ODAPH: variants seen among roughly 807,000 people sequenced by gnomAD.
ODAPH encodes odontogenesis associated phosphoprotein.
A neutral mutation model predicts 2.8 loss-of-function variants in ODAPH; 2 were observed. That is an observed-to-expected ratio of 0.72 (90% CI 0.30 to 2.28). The LOEUF (loss-of-function observed/expected upper bound fraction) is 2.28. ODAPH is among the 30% of genes most tolerant of loss of function. The probability of loss-of-function intolerance (pLI) is 0.13; values close to 1 mark genes in which losing one functional copy is unlikely to be tolerated. For missense variants in ODAPH, 159 were observed against 163.3 expected (o/e 0.97, Z 0.14); for synonymous variants, 75 against 60.3 (o/e 1.24, Z -1.13).
intron 1 of ODAPH, among the ~76,000 whole-genome samples, chr4:75,557,351 C>T (rs552088197): frequency 6.6e-6 from 1 of 151,996 alleles, no homozygotes; most frequent in Admixed American, 6.6e-5. Context: ...TTAAAAACAC[C>T]CACTGAGGCT....
At position 75,564,401 on chromosome 4, in the gene ODAPH, A is replaced by G; in HGVS notation, c.355A>G (p.Arg119Gly). The G allele has an allele frequency of 6.2e-7, 1 of 1,614,194 alleles. No homozygotes were observed. The change falls in exon 2 of 2, where the codon AGA becomes GGA. Residue 119 changes from arginine (R) to glycine (G), a missense_variant. By Grantham distance (125) the Arg-to-Gly change is moderately radical (BLOSUM62 -2). Coordinates refer to ENST00000311623, the MANE Select transcript of ODAPH (RefSeq NM_178497.5). ...CCTTACTTATAGGTATTTCCCCAGA[A>G]GAAGACTCCAGAGAGGAAGCTCATC... Reference protein sequence around the residue: ...RYLTYRYFPRRRLQRGSSSEE... With the variant: ...RYLTYRYFPRGRLQRGSSSEE...
intron 1 of ODAPH, among the ~76,000 whole-genome samples, chr4:75,559,896 C>T (rs947320971): frequency 6.6e-6 from 1 of 152,186 alleles, no homozygotes; most frequent in Admixed American, 6.5e-5. Context: ...AATAATCACA[C>T]AGCTGATGAG....
At chr4:75,557,331 T>G (rs189807312) in intron 1 of ODAPH, among the ~76,000 whole-genome samples, 10 of 152,268 alleles carry the variant, frequency 6.6e-5, no homozygotes, top group Admixed American at 3.3e-4. Context: ...AGATTTATTT[T>G]ATTCACATCT....
chr4:75,556,208 A>G (rs1727333230), intron 1 of ODAPH, 59 bp downstream of exon 1: 1 of 1,482,280 alleles, frequency 6.7e-7, no homozygotes, highest in Admixed American at 1.7e-5. Context: ...GTAGGAAAAG[A>G]CAAAACTGGC....
At chr4:75,558,888 G>T (rs889744317) in intron 1 of ODAPH, among the ~76,000 whole-genome samples, 3 of 152,216 alleles carry the variant, frequency 2.0e-5, no homozygotes, top group African/African-American at 4.8e-5. Flanking sequence ...TAGAGACGAG[G>T]TTTCACCATG....
rs1189634930 is a variant in ODAPH, at chr4:75,564,404, A to G, written c.358A>G (p.Arg120Gly). The G allele has an allele frequency of 6.2e-7, 1 of 1,614,100 alleles. No individual in the cohort carries two copies. Among genetic ancestry groups the G allele is most frequent in the African/African-American group, 1.3e-5 (1 of 74,952 alleles). Residue 120 changes from arginine to glycine, a missense_variant, in exon 2 of 2, where the codon AGA (arginine) becomes GGA (glycine). Coordinates refer to ENST00000311623, the MANE Select transcript of ODAPH (RefSeq NM_178497.5). ...TACTTATAGGTATTTCCCCAGAAGA[A>G]GACTCCAGAGAGGAAGCTCATCTGA... ...YLTYRYFPRR[R>G]LQRGSSSEES is the part of the protein sequence containing the mutation.
chr4:75,563,800 A>C (rs771933572), intron 1 of ODAPH, among the ~76,000 whole-genome samples: 13 of 152,078 alleles, frequency 8.5e-5, no homozygotes, highest in Non-Finnish European at 1.8e-4. Flanking sequence ...CAGTTTCTTC[A>C]TGCATTCTTC....
In ODAPH at chr4:75,562,339, C is replaced by CTT. The variant is rs10672492; in HGVS notation, c.68-1759_68-1758dup. 3.4e-3 allele frequency among the ~76,000 whole-genome samples: 467 copies of CTT among 135,632 alleles called. 5 individuals are homozygous for CTT. The highest frequency in any genetic ancestry group is 0.012 in the African/African-American group (441 of 37,262). The allele number at this position is 135,632 out of a possible 152,430, so 89.0% of individuals were successfully genotyped here. On this transcript the variant is annotated intron_variant, in intron 1 of 1. Transcript: ENST00000311623. ...CACTCTCAACTTCCTGTGGGAAGTT[C>CTT]TTTTTTTTTTTTTTTTTGAGACGGA...
chr4:75,561,775 A>G (rs1727586549), intron 1 of ODAPH, among the ~76,000 whole-genome samples: 1 of 150,182 alleles, frequency 6.7e-6, no homozygotes, highest in Admixed American at 6.6e-5. Flanking sequence ...TGAACCCAGG[A>G]GGTGGAGGCT....
chr4:75,559,827 A>T (rs1447878830), intron 1 of ODAPH, among the ~76,000 whole-genome samples: 1 of 152,246 alleles, frequency 6.6e-6, no homozygotes, highest in Non-Finnish European at 1.5e-5. Context: ...ATGAGGAGGC[A>T]GCAGTCTACA....
intron 1 of ODAPH, among the ~76,000 whole-genome samples, chr4:75,560,499 C>G (rs1469611965): frequency 6.6e-6 from 1 of 152,172 alleles, no homozygotes; most frequent in Non-Finnish European, 1.5e-5. Flanking sequence ...TGACAGGTTC[C>G]CAAACCAATC....
chr4:75,560,579 A>C, intron 1 of ODAPH, among the ~76,000 whole-genome samples: 1 of 152,184 alleles, frequency 6.6e-6, no homozygotes, highest in East Asian at 1.9e-4. Context: ...CCATAGGTCT[A>C]GTTTGTTTGG....
At chr4:75,558,767 C>A (rs946136359) in intron 1 of ODAPH, among the ~76,000 whole-genome samples, 3 of 152,204 alleles carry the variant, frequency 2.0e-5, no homozygotes, top group Admixed American at 6.5e-5. Flanking sequence ...ACTATCTCAG[C>A]TCACTGCAAC....
chr4:75,562,005 C>G (rs1020423637), intron 1 of ODAPH, among the ~76,000 whole-genome samples: 1 of 152,164 alleles, frequency 6.6e-6, no homozygotes, highest in Non-Finnish European at 1.5e-5. Flanking sequence ...AGGACAAAAC[C>G]TGACACTCCA....
In ODAPH at chr4:75,564,124, G is replaced by C. The variant is rs534310983; in HGVS notation, c.78G>C (p.Glu26Asp). ...LVVTVAEGQE[E>D]VFTPPGDSQN... is the part of the protein sequence containing the mutation. The stretch of plus-strand genomic sequence containing the variant: ...TTTTCCTCTCCACAGGACAAGAAGA[G>C]GTATTTACGCCTCCTGGAGATTCAC... The change falls in exon 2 of 2, where the codon GAG (glutamate) becomes GAC (aspartate). Residue 26 changes from glutamate to aspartate, a missense_variant. Transcript: ENST00000311623. The C allele has an allele frequency of 6.2e-7, 1 of 1,614,030 alleles. No individual in the cohort carries two copies. The highest frequency in any genetic ancestry group is 8.5e-7 in the Non-Finnish European group (1 of 1,180,030).
rs1578299415 is a variant in ODAPH at position 75,564,733 on chromosome 4, C to G, written c.*294C>G. 8.7e-6 allele frequency: 5 copies of G among 572,238 alleles called. No individual in the cohort carries two copies. In the East Asian group the frequency reaches 1.5e-4, roughly 17 times the overall value. The allele number at this position is 572,238 out of a possible 1,614,324, so 35.4% of individuals were successfully genotyped here. ...TTTAAATGGGTGGCTCTAGTAATTC[C>G]TATCCATACTAAGATGCTGAGAGAA... On this transcript the variant is annotated 3_prime_UTR_variant, in exon 2 of 2. Transcript: ENST00000311623.
downstream of ODAPH, chr4:75,565,818 A>T (rs1325832906): frequency 3.3e-5 from 5 of 152,334 alleles, no homozygotes; most frequent in South Asian, 6.2e-4. Flanking sequence ...GCCCTAAAAA[A>T]GGAAAGAGAG....
rs1012062922 is a variant in ODAPH, at chr4:75,563,754, T to A, written c.68-360T>A. Among the ~76,000 whole-genome samples the A allele has an allele frequency of 3.0e-4, 46 of 152,220 alleles. 1 individual carries two copies. The highest frequency in any genetic ancestry group is 4.1e-4 in the Non-Finnish European group (28 of 68,032). On this transcript the variant is annotated intron_variant, in intron 1 of 1. Transcript: ENST00000311623. ...TGTGGGTATTAGTAGTTCTTCCTTTTTATCGCTGAGTACTATTTCATTGTA... is the reference window on the plus strand; with the variant it reads ...TGTGGGTATTAGTAGTTCTTCCTTTATATCGCTGAGTACTATTTCATTGTA...
intron 1 of ODAPH, among the ~76,000 whole-genome samples, chr4:75,562,529 A>G (rs1273009271): frequency 6.6e-6 from 1 of 151,812 alleles, no homozygotes; most frequent in Non-Finnish European, 1.5e-5. Flanking sequence ...TAGTAGAGAC[A>G]GGGTTTCTCC....
Sources: allele counts gnomAD v4.1 joint callset (sites outside exome capture counted in the v4.1 genomes callset), GRCh38; gene constraint gnomAD v4.1.1; transcripts MANE v1.5; gene names NCBI Gene and HGNC (gene_info 2026-07-23, HGNC 2026-07-21).